Variants in HYDIN observed in about 807,000 individuals in gnomAD.
HYDIN encodes HYDIN axonemal central pair apparatus protein, also known as axonemal central pair apparatus protein HYDIN.
Under a neutral mutation model 403.9 loss-of-function variants are expected in HYDIN, and 132 were observed. The observed-to-expected ratio is 0.33, with a 90% CI of 0.28 to 0.38. The LOEUF (loss-of-function observed/expected upper bound fraction) is 0.38. Ranked by LOEUF, HYDIN falls within the 10% of genes least tolerant of loss-of-function variation. The probability of loss-of-function intolerance (pLI) is 1.00; values close to 1 mark genes in which losing one functional copy is unlikely to be tolerated. For missense variants in HYDIN, 2,827 were observed against 5,009.5 expected (o/e 0.56, Z 13.15); for synonymous variants, 1,202 against 1,891.7 (o/e 0.64, Z 9.46).
chr16:70,977,728 T>C (rs2078927899), intron 30 of HYDIN, among the ~76,000 whole-genome samples: 1 of 137,748 alleles, frequency 7.3e-6, no homozygotes, highest in African/African-American at 2.8e-5. Flanking sequence ...AGGGAGGATA[T>C]ATTGGGATTT....
intron 41 of HYDIN, among the ~76,000 whole-genome samples, chr16:70,944,311 T>C (rs1490974305): frequency 6.6e-6 from 1 of 152,062 alleles, no homozygotes; most frequent in Non-Finnish European, 1.5e-5. Flanking sequence ...TGCATTCCAA[T>C]GGAAGAGAGA....
chr16:70,851,203 C>CAAAAA (rs4028101), intron 73 of HYDIN, among the ~76,000 whole-genome samples: 7 of 22,162 alleles, frequency 3.2e-4, no homozygotes, highest in African/African-American at 1.7e-3. Flanking sequence ...ATCAATCCTG[C>CAAAAA]AAAAAAAAAA....
At chr16:70,905,220 C>T (rs1402364398) in intron 50 of HYDIN, among the ~76,000 whole-genome samples, 2 of 152,152 alleles carry the variant, frequency 1.3e-5, no homozygotes, top group East Asian at 3.9e-4. Flanking sequence ...CGCCTTCTCA[C>T]TTAACCGCTA....
intron 1 of HYDIN, among the ~76,000 whole-genome samples, chr16:71,223,288 G>C (rs1567472755): frequency 6.6e-6 from 1 of 152,102 alleles, no homozygotes. Context: ...GAATGAAACT[G>C]GGTCCCCATT....
chr16:70,899,815 C>T (rs1024009933), intron 53 of HYDIN, among the ~76,000 whole-genome samples: 2 of 152,132 alleles, frequency 1.3e-5, no homozygotes, highest in Non-Finnish European at 2.9e-5. Flanking sequence ...TGTTGGGGGA[C>T]CCTAAAGCTG....
chr16:71,086,625 GT>G, intron 12 of HYDIN, among the ~76,000 whole-genome samples: 1 of 152,192 alleles, frequency 6.6e-6, no homozygotes, highest in Non-Finnish European at 1.5e-5. Flanking sequence ...GAGCTTAAAG[GT>G]TTTATCTTTG....
At chr16:71,194,671 T>A (rs1036558694) in intron 1 of HYDIN, among the ~76,000 whole-genome samples, 2 of 152,250 alleles carry the variant, frequency 1.3e-5, no homozygotes, top group Non-Finnish European at 2.9e-5. Flanking sequence ...TAAACACTAC[T>A]TATTTATCAT....
intron 1 of HYDIN, among the ~76,000 whole-genome samples, chr16:71,195,138 C>T (rs1040710430): frequency 6.6e-6 from 1 of 152,102 alleles, no homozygotes; most frequent in African/African-American, 2.4e-5. Context: ...TCTATCACAT[C>T]CATCTCATGC....
chr16:70,905,586 T>C (rs547336896), intron 50 of HYDIN, among the ~76,000 whole-genome samples: 5 of 138,088 alleles, frequency 3.6e-5, no homozygotes, highest in African/African-American at 1.4e-4. Context: ...TGAGCTGAGA[T>C]TGCACCACTG....
intron 75 of HYDIN, among the ~76,000 whole-genome samples, chr16:70,847,361 C>T (rs934540423): frequency 6.6e-6 from 1 of 152,134 alleles, no homozygotes; most frequent in Non-Finnish European, 1.5e-5. Context: ...TTTTATATAA[C>T]CTATGCAGTT....
chr16:71,151,249 T>C (rs963469260), intron 7 of HYDIN, among the ~76,000 whole-genome samples: 4 of 152,074 alleles, frequency 2.6e-5, no homozygotes, highest in African/African-American at 4.8e-5. Context: ...CTAAAACTAA[T>C]AGACAAAACA....
At chr16:71,039,729 G>C (rs6499405) in intron 18 of HYDIN, among the ~76,000 whole-genome samples, 1 of 152,204 alleles carries the variant, frequency 6.6e-6, no homozygotes, top group Non-Finnish European at 1.5e-5. Flanking sequence ...TTCCCCCTGA[G>C]AGCCACTTTC....
At chr16:70,818,915 T>G (rs7198363) in intron 83 of HYDIN, among the ~76,000 whole-genome samples, 4,095 of 152,112 alleles carry the variant, frequency 0.027, 167 homozygotes, top group African/African-American at 0.092. Flanking sequence ...CAATGGGCTT[T>G]CTTTCTTTCT....
At position 70,868,624 on chromosome 16, in the gene HYDIN, G is replaced by T; in HGVS notation, c.11256C>A (p.Val3752=). The T allele has an allele frequency of 1.9e-6, 3 of 1,613,898 alleles. No homozygotes were observed. The highest frequency in any genetic ancestry group is 2.5e-6 in the Non-Finnish European group (3 of 1,179,998). The change falls in exon 66 of 86, where the codon GTC becomes GTA. Residue 3752 remains valine (V), a synonymous_variant. Coordinates refer to ENST00000393567, the MANE Select transcript of HYDIN (RefSeq NM_001270974.2). ...VPDWDDRMHT[V]KWVDVPRNMP... ...TGTTTCTGGGTACGTCCACCCACTTGACTGTGTGCATGCGGTCATCCCAGT... is the reference window on the plus strand; with the variant it reads ...TGTTTCTGGGTACGTCCACCCACTTTACTGTGTGCATGCGGTCATCCCAGT...
At chr16:70,936,996 CAAGCACA>C (rs1261638848) in intron 44 of HYDIN, among the ~76,000 whole-genome samples, 1 of 151,110 alleles carries the variant, frequency 6.6e-6, no homozygotes, top group African/African-American at 2.4e-5. Context: ...AGCCAAGCAC[CAAGCACA>C]AACAAGTGAG....
chr16:71,230,183 C>T (rs1000287747), intron 1 of HYDIN, among the ~76,000 whole-genome samples: 1 of 152,180 alleles, frequency 6.6e-6, no homozygotes. Flanking sequence ...CAGATTAATA[C>T]AGTACAGAAC....
intron 36 of HYDIN, among the ~76,000 whole-genome samples, chr16:70,966,682 T>C (rs929224345): frequency 6.6e-5 from 10 of 150,440 alleles, no homozygotes; most frequent in African/African-American, 9.8e-5. Flanking sequence ...GTGAAGAAAA[T>C]GTAAGCCAAG....
chr16:71,130,040 C>T (rs1212041804), intron 8 of HYDIN, among the ~76,000 whole-genome samples: 1 of 151,834 alleles, frequency 6.6e-6, no homozygotes, highest in African/African-American at 2.4e-5. Context: ...TTAAGAGATC[C>T]TCCCTGGATT....
chr16:70,896,184 G>C, intron 53 of HYDIN, 104 bp from the exon 54 acceptor site: 1 of 1,433,996 alleles, frequency 7.0e-7, no homozygotes, highest in Non-Finnish European at 9.3e-7. Flanking sequence ...ACGTTTTGAA[G>C]TGTATTCCCC....
Sources: allele counts gnomAD v4.1 joint callset (sites outside exome capture counted in the v4.1 genomes callset), GRCh38; gene constraint gnomAD v4.1.1; transcripts MANE v1.5; gene names NCBI Gene and HGNC (gene_info 2026-07-23, HGNC 2026-07-21).